The following AGFG2 variants were observed in gnomAD, a reference collection of about 807,000 sequenced individuals.
AGFG2 encodes ArfGAP with FG repeats 2, also known as arf-GAP domain and FG repeat-containing protein 2.
A neutral mutation model predicts 48.0 loss-of-function variants in AGFG2; 31 were observed. The observed-to-expected ratio is 0.65, with a 90% CI of 0.49 to 0.87. The LOEUF is 0.87. Ranked by LOEUF, AGFG2 falls within the 40% of genes least tolerant of loss-of-function variation. The pLI is 0.00. For missense variants in AGFG2, 599 were observed against 632.6 expected, an observed-to-expected ratio of 0.95 and a Z score of 0.57; for synonymous variants, 229 against 260.8, an observed-to-expected ratio of 0.88 and a Z score of 1.18.
rs1801050848 is a variant in AGFG2 at position 100,567,959 on chromosome 7, T to G, written c.*2968T>G. ...CAGGTTTGTCCTGGTACTCAGTGGG[T>G]CCAATCACCTGGCATTGATCACCTG... On this transcript the variant is annotated 3_prime_UTR_variant, in exon 12 of 12. Coordinates refer to ENST00000300176, the MANE Select transcript of AGFG2 (RefSeq NM_006076.5). 1 of 152,460 alleles carries G rather than the reference T, an allele frequency of 6.6e-6. No homozygotes were observed. Among genetic ancestry groups the G allele is most frequent in the Non-Finnish European group, 1.5e-5 (1 of 68,066 alleles). The allele number at this position is 152,460 out of a possible 1,614,324, so 9.4% of individuals were successfully genotyped here.
intron 5 of AGFG2, among the ~76,000 whole-genome samples, chr7:100,554,963 T>TAAAACC: frequency 8.1e-6 from 1 of 123,198 alleles, no homozygotes; most frequent in South Asian, 2.6e-4. Context: ...AAAAAAAAAA[T>TAAAACC]TCAAGCTCCT....
intron 1 of AGFG2, among the ~76,000 whole-genome samples, chr7:100,546,619 GT>G (rs912491660): frequency 6.6e-6 from 1 of 152,270 alleles, no homozygotes; most frequent in Admixed American, 6.5e-5. Flanking sequence ...AATGCCTTGT[GT>G]TTTGGCAAAG....
At chr7:100,541,035 T>C (rs1433259583) in intron 1 of AGFG2, among the ~76,000 whole-genome samples, 2 of 149,852 alleles carry the variant, frequency 1.3e-5, no homozygotes. Context: ...AAAAAAAAGC[T>C]TTCCCTGTCT....
chr7:100,544,005 G>A (rs1355700889), intron 1 of AGFG2, among the ~76,000 whole-genome samples: 1 of 152,144 alleles, frequency 6.6e-6, no homozygotes, highest in African/African-American at 2.4e-5. Context: ...ATCTTAAGAC[G>A]TGGTAAAAAT....
At chr7:100,553,826 G>A (rs1800699892) in intron 4 of AGFG2, among the ~76,000 whole-genome samples, 1 of 152,148 alleles carries the variant, frequency 6.6e-6, no homozygotes, top group South Asian at 2.1e-4. Flanking sequence ...GGGCAGTATT[G>A]GGCAGTATTC....
rs746458135 is a variant in AGFG2, at chr7:100,553,494, G to C, written c.579G>C (p.Ser193=). 1.3e-6 allele frequency: 2 copies of C among 1,596,208 alleles called. No homozygotes were observed. Among genetic ancestry groups the C allele is most frequent in the South Asian group, 2.2e-5 (2 of 89,694 alleles). ...APSLSVAAST[S]SQPVSQSHAR... Reference sequence around the variant, plus strand: ...CTCTCTCAGTTGCTGCCTCCACCTCGAGCCAGGTAACTCTCAGATCTGCTC... The same window carrying C: ...CTCTCTCAGTTGCTGCCTCCACCTCCAGCCAGGTAACTCTCAGATCTGCTC... Residue 193 remains serine, a synonymous_variant, in exon 4 of 12, where the codon TCG becomes TCC. Transcript: ENST00000300176.
At position 100,553,394 on chromosome 7, in the gene AGFG2, G is replaced by A. The variant is rs764064200; in HGVS notation, c.479G>A (p.Ser160Asn). Residue 160 changes from serine to asparagine, a missense_variant, in exon 4 of 12, where the codon AGT becomes AAT. Coordinates refer to ENST00000300176, the MANE Select transcript of AGFG2 (RefSeq NM_006076.5). ...QVKGPTYTKG[S>N]ASTPVQGSIP... ...AAGGGGCCCACTTATACCAAAGGCA[G>A]TGCCTCCACCCCTGTGCAGGGCTCC... 9 of 1,614,186 alleles carry A rather than the reference G, an allele frequency of 5.6e-6. No individual in the cohort carries two copies. Among genetic ancestry groups the A allele is most frequent in the Non-Finnish European group, 7.6e-6 (9 of 1,180,028 alleles).
Position 100,555,718 on chromosome 7 carries a change from C to T in AGFG2, c.860C>T (p.Ala287Val). ...LPPAGQASFQ[A>V]QPTPAGSSQG... ...CCAGCTGGTCAAGCCTCGTTCCAGG[C>T]CCAGCCAACTCCTGCAGGTAAACTC... is the stretch of plus-strand genomic sequence containing the variant. Residue 287 changes from alanine to valine, a missense_variant, in exon 6 of 12, where the codon GCC (alanine) becomes GTC (valine). Coordinates refer to ENST00000300176, the MANE Select transcript of AGFG2 (RefSeq NM_006076.5). 1 of 1,614,120 alleles carries T rather than the reference C, an allele frequency of 6.2e-7. No individual in the cohort carries two copies. Among genetic ancestry groups the T allele is most frequent in the South Asian group, 1.1e-5 (1 of 91,088 alleles).
intron 9 of AGFG2, among the ~76,000 whole-genome samples, chr7:100,563,434 G>T (rs1459449818): frequency 1.3e-5 from 2 of 152,246 alleles, no homozygotes; most frequent in Non-Finnish European, 2.9e-5. Flanking sequence ...AAACACAGAA[G>T]AGCTGTGTGG....
In AGFG2 at chr7:100,539,306, G is replaced by T; in HGVS notation, c.-41G>T. The T allele has an allele frequency of 7.8e-7, 1 of 1,275,422 alleles. No homozygotes were observed. 79.0% of individuals were successfully genotyped at this position (1,275,422 alleles called of 1,614,324 possible). ...AGGAGGCGGGAAGGCGGCAGTGGTTGAAGGGGTGATTGCTGACTAGCGGGG... is the reference window on the plus strand; with the variant it reads ...AGGAGGCGGGAAGGCGGCAGTGGTTTAAGGGGTGATTGCTGACTAGCGGGG... On this transcript the variant is annotated 5_prime_UTR_variant, in exon 1 of 12. An upstream open reading frame in the 5' UTR loses its in-frame stop. Transcript: ENST00000300176.
chr7:100,562,213 C>A lies in AGFG2; in HGVS notation c.878-46C>A, dbSNP rs377573078. 2.5e-6 allele frequency: 4 copies of A among 1,596,016 alleles called. No homozygotes were observed. In the African/African-American group the frequency reaches 4.0e-5, roughly 16 times the overall value. On this transcript the variant is annotated intron_variant, in intron 6 of 11. Coordinates refer to ENST00000300176, the MANE Select transcript of AGFG2 (RefSeq NM_006076.5). The surrounding 1 kb of genome is among the most constrained non-coding windows in gnomAD (Gnocchi z 5.4). Reference sequence around the variant, plus strand: ...CATCTGCTCTCCTGCCCCTCCCGCCCTGTCTTACCTCAGCTCTCCCTGTTG... The same window carrying A: ...CATCTGCTCTCCTGCCCCTCCCGCCATGTCTTACCTCAGCTCTCCCTGTTG...
At chr7:100,553,666 CAT>C (rs1341693206) in intron 4 of AGFG2, among the ~76,000 whole-genome samples, 166 bp downstream of exon 4, 1 of 152,188 alleles carries the variant, frequency 6.6e-6, no homozygotes, top group African/African-American at 2.4e-5. Flanking sequence ...TTCTGGACCT[CAT>C]ATCTTTTGGA....
chr7:100,552,239 C>G (rs562625281), intron 3 of AGFG2, among the ~76,000 whole-genome samples: 1 of 151,076 alleles, frequency 6.6e-6, no homozygotes, highest in African/African-American at 2.4e-5. Context: ...AGTGAAACTC[C>G]GTCTCAAAAA....
At chr7:100,555,919 T>C in intron 6 of AGFG2, 184 bp downstream of exon 6, 1 of 741,072 alleles carries the variant, frequency 1.3e-6, no homozygotes, top group Non-Finnish European at 2.0e-6. Context: ...GGGGCTCTAC[T>C]GTTCTGCTTT....
In AGFG2 at chr7:100,539,369, G is replaced by T. The variant is rs760380196; in HGVS notation, c.23G>T (p.Gly8Val). Residue 8 changes from glycine (G) to valine (V), a missense_variant, in exon 1 of 12, where the codon GGC becomes GTC. Coordinates refer to ENST00000300176, the MANE Select transcript of AGFG2 (RefSeq NM_006076.5). ...GCGATGGTGATGGCGGCGAAGAAGGGCCCGGGCCCGGGCGGCGGGGTCAGC... is the reference window on the plus strand; with the variant it reads ...GCGATGGTGATGGCGGCGAAGAAGGTCCCGGGCCCGGGCGGCGGGGTCAGC... MVMAAKK[G>V]PGPGGGVSGG... 7.4e-5 allele frequency: 94 copies of T among 1,274,386 alleles called. No homozygotes were observed. The highest frequency in any genetic ancestry group is 9.0e-5 in the Non-Finnish European group (91 of 1,006,816). The allele number at this position is 1,274,386 out of a possible 1,614,324, so 78.9% of individuals were successfully genotyped here.
intron 6 of AGFG2, among the ~76,000 whole-genome samples, chr7:100,558,546 T>C (rs894416334): frequency 5.2e-5 from 6 of 116,254 alleles, no homozygotes; most frequent in African/African-American, 2.1e-4. Context: ...TTTGTTTTTG[T>C]TTTTTTTTTT....
intron 2 of AGFG2, among the ~76,000 whole-genome samples, chr7:100,550,036 C>T (rs993648835): frequency 2.6e-5 from 4 of 152,104 alleles, no homozygotes; most frequent in African/African-American, 4.8e-5. Flanking sequence ...TGGCTGGGCG[C>T]GGTGGCTCAT....
Position 100,539,523 on chromosome 7 carries a change from T to A in AGFG2, c.177T>A (p.Asp59Glu). 7.7e-7 allele frequency: 1 copy of A among 1,297,792 alleles called. No homozygotes were observed. 80.4% of individuals were successfully genotyped at this position (1,297,792 alleles called of 1,614,324 possible). A position where few individuals can be genotyped will look rare whatever the true frequency, so the allele number is the denominator to read the frequency against. ...CCCAGCGCGGGGTCACCTACGTGGATATCACCGTGGGCAGCTTCGTGTGCA... is the reference window on the plus strand; with the variant it reads ...CCCAGCGCGGGGTCACCTACGTGGAAATCACCGTGGGCAGCTTCGTGTGCA... ...ECAQRGVTYV[D>E]ITVGSFVCTT... The change falls in exon 1 of 12, where the codon GAT becomes GAA. Residue 59 changes from aspartate to glutamate, a missense_variant. Transcript: ENST00000300176.
In AGFG2 at chr7:100,553,439, T is replaced by G. The variant is rs756628058; in HGVS notation, c.524T>G (p.Leu175Arg). 1 of 1,614,154 alleles carries G rather than the reference T, an allele frequency of 6.2e-7. No homozygotes were observed. ...GGCTCCATCCCAGAAGGGAAGCCCC[T>G]TCGGACACTTCTGGGTGATCCTGCA... ...VQGSIPEGKP[L>R]RTLLGDPAPS... The change falls in exon 4 of 12, where the codon CTT (leucine) becomes CGT (arginine). Residue 175 changes from leucine (L) to arginine (R), a missense_variant. Transcript: ENST00000300176.
Sources: gnomAD v4.1 joint callset for allele counts (sites outside exome capture counted in the v4.1 genomes callset) on GRCh38, gnomAD v4.1.1 for gene constraint, Gnocchi (gnomAD v3.1) non-coding constraint, MANE v1.5 for transcripts, NCBI Gene and HGNC (gene_info 2026-07-23, HGNC 2026-07-21) for gene names.